The following UBE2R2 variants were observed in gnomAD, a reference collection of about 807,000 sequenced individuals.
UBE2R2 encodes ubiquitin-conjugating enzyme E2 R2.
A neutral mutation model predicts 27.8 loss-of-function variants in UBE2R2; 1 was observed. The ratio of observed to expected loss-of-function variants is 0.04; its 90% CI spans 0.01 to 0.17. UBE2R2 has a LOEUF of 0.17. UBE2R2 is among the 10% of genes least tolerant of loss of function. The pLI is 1.00. For synonymous variants in UBE2R2, 106 were observed against 113.3 expected, an observed-to-expected ratio of 0.94 and a Z score of 0.41; for missense variants, 100 against 291.0, an observed-to-expected ratio of 0.34 and a Z score of 4.78.
At chr9:33,882,464 T>C (rs1821750357) in intron 1 of UBE2R2, among the ~76,000 whole-genome samples, 1 of 152,162 alleles carries the variant, frequency 6.6e-6, no homozygotes, top group South Asian at 2.1e-4. Flanking sequence ...TTTTTAGTTT[T>C]ACTAGAGATG....
intron 3 of UBE2R2, 87 bp downstream of exon 3, chr9:33,900,358 C>T (rs1185240598): frequency 2.1e-6 from 2 of 950,538 alleles, no homozygotes; most frequent in East Asian, 2.7e-5. Flanking sequence ...TGTCTTTTAA[C>T]ATGTAAAAAA....
intron 1 of UBE2R2, among the ~76,000 whole-genome samples, chr9:33,824,121 A>G (rs1820241435): frequency 6.6e-6 from 1 of 152,242 alleles, no homozygotes; most frequent in Non-Finnish European, 1.5e-5. Context: ...TTAGTTTTTC[A>G]TAGAATATGC....
chr9:33,906,933 A>G (rs1341426853), intron 3 of UBE2R2, among the ~76,000 whole-genome samples: 1 of 152,142 alleles, frequency 6.6e-6, no homozygotes, highest in Non-Finnish European at 1.5e-5. Flanking sequence ...CAGGAGGCTG[A>G]GGTGCAAAGA....
At chr9:33,848,829 C>G (rs139551842) in intron 1 of UBE2R2, among the ~76,000 whole-genome samples, 3 of 151,952 alleles carry the variant, frequency 2.0e-5, no homozygotes, top group South Asian at 2.1e-4. Context: ...GTCTCGAGCT[C>G]TTGACCTCAG....
chr9:33,874,470 G>A (rs968979598), intron 1 of UBE2R2, among the ~76,000 whole-genome samples: 1 of 152,006 alleles, frequency 6.6e-6, no homozygotes, highest in African/African-American at 2.4e-5. Context: ...TTCCTGAGCT[G>A]ATCATTGTTA....
Position 33,866,485 on chromosome 9 carries a change from C to T in UBE2R2, c.178-20396C>T, listed in dbSNP as rs192637477. On this transcript the variant is annotated intron_variant, in intron 1 of 4. Coordinates refer to ENST00000263228, the MANE Select transcript of UBE2R2 (RefSeq NM_017811.4). ...AACTCCTGACTTCAGGCGATCCACC[C>T]GCCTAGGCTTCCCAAAGTACTGGGA... Among the ~76,000 whole-genome samples, 173 of 152,266 alleles carry T rather than the reference C, an allele frequency of 1.1e-3. 1 individual carries two copies. Among genetic ancestry groups the T allele is most frequent in the African/African-American group, 3.9e-3 (163 of 41,544 alleles).
chr9:33,851,557 A>G (rs945433365), intron 1 of UBE2R2, among the ~76,000 whole-genome samples: 4 of 152,128 alleles, frequency 2.6e-5, no homozygotes, highest in African/African-American at 9.7e-5. Flanking sequence ...ATCTCCTTCA[A>G]TTTGGGTAAA....
chr9:33,859,766 G>C (rs1483481349), intron 1 of UBE2R2, among the ~76,000 whole-genome samples: 1 of 109,180 alleles, frequency 9.2e-6, no homozygotes, highest in African/African-American at 3.6e-5. Context: ...CCTTTTGTGT[G>C]TGTGTGTGTG....
At chr9:33,816,231 G>C (rs1825753166), upstream of UBE2R2, among the ~76,000 whole-genome samples, 1 of 152,162 alleles carries the variant, frequency 6.6e-6, no homozygotes, top group African/African-American at 2.4e-5. Context: ...GTTATCCTAG[G>C]ACATGCCTTC....
chr9:33,831,509 C>G (rs1396660036), intron 1 of UBE2R2, among the ~76,000 whole-genome samples: 1 of 152,106 alleles, frequency 6.6e-6, no homozygotes, highest in African/African-American at 2.4e-5. Flanking sequence ...CTCCACCTCC[C>G]AAGTTCAAGC....
intron 1 of UBE2R2, among the ~76,000 whole-genome samples, chr9:33,832,938 A>G (rs947430619): frequency 6.6e-6 from 1 of 152,186 alleles, no homozygotes; most frequent in Non-Finnish European, 1.5e-5. Context: ...AAATTTGTCT[A>G]TGTGAGAAGA....
intron 1 of UBE2R2, among the ~76,000 whole-genome samples, chr9:33,877,698 A>C (rs763296541): frequency 2.0e-5 from 3 of 152,142 alleles, no homozygotes; most frequent in Non-Finnish European, 2.9e-5. Context: ...CAGTTGTCTT[A>C]TCTAAAGCTG....
At chr9:33,842,267 G>A (rs1280280159) in intron 1 of UBE2R2, among the ~76,000 whole-genome samples, 3 of 152,164 alleles carry the variant, frequency 2.0e-5, no homozygotes, top group Non-Finnish European at 2.9e-5. Context: ...TGGGCATGGT[G>A]GTGCACACCT....
At chr9:33,892,984 G>GAGAT (rs1564002106) in intron 2 of UBE2R2, among the ~76,000 whole-genome samples, 1 of 151,952 alleles carries the variant, frequency 6.6e-6, no homozygotes, top group Admixed American at 6.6e-5. Context: ...AATTTGCAGG[G>GAGAT]AGATCCCTTG....
intron 1 of UBE2R2, among the ~76,000 whole-genome samples, chr9:33,842,707 T>C (rs962291635): frequency 3.9e-5 from 6 of 152,202 alleles, no homozygotes; most frequent in Admixed American, 1.3e-4. Context: ...TAGATTCTTC[T>C]CTTGATATTT....
chr9:33,879,735 C>T (rs535325343), intron 1 of UBE2R2, among the ~76,000 whole-genome samples: 2 of 141,690 alleles, frequency 1.4e-5, no homozygotes, highest in Admixed American at 7.2e-5. Context: ...CAAGCCACGG[C>T]GCCTGGTCAC....
intron 1 of UBE2R2, among the ~76,000 whole-genome samples, chr9:33,871,851 C>T (rs955690848): frequency 1.3e-5 from 2 of 152,168 alleles, no homozygotes; most frequent in African/African-American, 4.8e-5. Flanking sequence ...GCTGGGACTA[C>T]AGGTGTGTGC....
chr9:33,864,424 C>T (rs992727016), intron 1 of UBE2R2, among the ~76,000 whole-genome samples: 15 of 151,886 alleles, frequency 9.9e-5, no homozygotes, highest in African/African-American at 3.6e-4. Flanking sequence ...CTCTGAGAGC[C>T]CAAAATGCTA....
chr9:33,892,891 G>A (rs907776331), intron 2 of UBE2R2, among the ~76,000 whole-genome samples: 2 of 151,614 alleles, frequency 1.3e-5, no homozygotes, highest in African/African-American at 4.8e-5. Context: ...CCCCATTCTA[G>A]AGTCCAATAA....
Sources: gnomAD v4.1 joint callset for allele counts (sites outside exome capture counted in the v4.1 genomes callset) on GRCh38, gnomAD v4.1.1 for gene constraint, MANE v1.5 for transcripts, NCBI Gene and HGNC (gene_info 2026-07-23, HGNC 2026-07-21) for gene names.